Variants in TSPAN4 observed in about 807,000 individuals in gnomAD.
TSPAN4 encodes tetraspanin 4, also known as tetraspanin-4.
TSPAN4 carries 38 observed loss-of-function variants against 31.5 expected under a neutral mutation model. That is an observed-to-expected ratio of 1.21 (90% CI 0.93 to 1.58). The LOEUF (loss-of-function observed/expected upper bound fraction) is 1.58, where lower values mean the gene tolerates loss of function less well. TSPAN4 is among the 40% of genes most tolerant of loss of function. The pLI, the probability that TSPAN4 is intolerant of heterozygous loss-of-function variation, is 0.00. For synonymous variants in TSPAN4, 186 were observed against 144.6 expected, an observed-to-expected ratio of 1.29 and a Z score of -2.06; for missense variants, 330 against 317.3, an observed-to-expected ratio of 1.04 and a Z score of -0.30.
rs369539836 is a variant in TSPAN4 at position 848,518 on chromosome 11, G to A, written c.-18+1218G>A. On this transcript the variant is annotated intron_variant, in intron 2 of 8. Transcript: ENST00000397397. This position sits in a 1 kb window ranked among gnomAD's most constrained non-coding sequence, Gnocchi z 5.7. Reference sequence around the variant, plus strand: ...GGGGCACCCAGCCCAGGTCGTCAGGGGTGGGCAGAGCTGCGGGACCTCCCT... The same window carrying A: ...GGGGCACCCAGCCCAGGTCGTCAGGAGTGGGCAGAGCTGCGGGACCTCCCT... 2.6e-5 allele frequency among the ~76,000 whole-genome samples: 4 copies of A among 151,766 alleles called. No individual in the cohort carries two copies. Among genetic ancestry groups the A allele is most frequent in the African/African-American group, 9.7e-5 (4 of 41,310 alleles).
At position 864,585 on chromosome 11, in the gene TSPAN4, C is replaced by T. The variant is rs1589796349; in HGVS notation, c.330+74C>T. 1.0e-5 allele frequency: 16 copies of T among 1,574,888 alleles called. No homozygotes were observed. The East Asian group carries it at 2.9e-4, about 29-fold the overall frequency. On this transcript the variant is annotated intron_variant, in intron 5 of 8. Transcript: ENST00000397397. ...CCTCACTCCCAGGGAGCACTGTGGG[C>T]CCGGTGTGGACAGAGTGGCCCTGCA...
At position 848,397 on chromosome 11, in the gene TSPAN4, C is replaced by G. The variant is rs1300215750; in HGVS notation, c.-18+1097C>G. ...CAGCCTCCTGTTCTCTGGGGGCCCC[C>G]TGTCCCCTTCCCCCAGCGAGGACCT... On this transcript the variant is annotated intron_variant, in intron 2 of 8. Transcript: ENST00000397397. The surrounding 1 kb of genome is among the most constrained non-coding windows in gnomAD (Gnocchi z 5.7). Among the ~76,000 whole-genome samples, 9 of 152,076 alleles carry G rather than the reference C, an allele frequency of 5.9e-5. No homozygotes were observed. The highest frequency in any genetic ancestry group is 2.2e-4 in the African/African-American group (9 of 41,424).
rs1283607037 is a variant in TSPAN4, at chr11:865,697, C to G, written c.436C>G (p.Arg146Gly). 7 of 1,613,190 alleles carry G rather than the reference C, an allele frequency of 4.3e-6. No individual in the cohort carries two copies. Among genetic ancestry groups the G allele is most frequent in the Non-Finnish European group, 5.9e-6 (7 of 1,179,932 alleles). The change falls in exon 7 of 9, where the codon CGC becomes GGC. Residue 146 changes from arginine (R) to glycine (G), a missense_variant. By Grantham distance (125) the Arg-to-Gly change is moderately radical. Coordinates refer to ENST00000397397, the MANE Select transcript of TSPAN4 (RefSeq NM_003271.5). ...NAWSIIQTDFRCCGVSNYTDW... is the reference protein window; with the variant it reads ...NAWSIIQTDFGCCGVSNYTDW... ...CCGACCTGAGCTTGCCCCCCAGTTC[C>G]GCTGCTGTGGCGTCTCCAACTACAC...
At chr11:856,447 C>G (rs533766373) in intron 3 of TSPAN4, among the ~76,000 whole-genome samples, 1 of 152,202 alleles carries the variant, frequency 6.6e-6, no homozygotes, top group Non-Finnish European at 1.5e-5. Flanking sequence ...AGGTCTGGGA[C>G]GGAGCCCCTC....
At chr11:855,101 C>G (rs1281612442) in intron 3 of TSPAN4, among the ~76,000 whole-genome samples, 2 of 152,126 alleles carry the variant, frequency 1.3e-5, no homozygotes, top group South Asian at 4.1e-4. Context: ...GGGGGTAGGT[C>G]AGACTTGTCC....
intron 8 of TSPAN4, 141 bp downstream of exon 8, chr11:866,142 G>C (rs1312095116): frequency 1.2e-6 from 1 of 851,226 alleles, no homozygotes; most frequent in African/African-American, 1.7e-5. Flanking sequence ...CGAGTTCAGG[G>C]GGATGGGCAG....
At chr11:866,484 C>A in intron 8 of TSPAN4, 78 bp from the exon 9 acceptor site, 1 of 1,404,716 alleles carries the variant, frequency 7.1e-7, no homozygotes, top group Non-Finnish European at 9.8e-7. Flanking sequence ...AGGGCACCTG[C>A]TGAGGACAGG....
chr11:865,545 A>G lies in TSPAN4; in HGVS notation c.363A>G (p.Lys121=). 6.2e-7 allele frequency: 1 copy of G among 1,612,360 alleles called. No homozygotes were observed. The highest frequency in any genetic ancestry group is 1.1e-5 in the South Asian group (1 of 91,062). The change falls in exon 6 of 9, where the codon AAA becomes AAG. Residue 121 remains lysine (K), a synonymous_variant. Transcript: ENST00000397397. Reference sequence around the variant, plus strand: ...GGTATGCCCAGCAAGACCTGAAGAAAGGCTTGCACCTGTACGGCACGCAGG... The same window carrying G: ...GGTATGCCCAGCAAGACCTGAAGAAGGGCTTGCACCTGTACGGCACGCAGG... ...IDRYAQQDLK[K]GLHLYGTQGN... is the part of the protein sequence containing the mutation.
At position 866,950 on chromosome 11, in the gene TSPAN4, A is replaced by C; in HGVS notation, c.*320A>C. On this transcript the variant is annotated 3_prime_UTR_variant, in exon 9 of 9. Transcript: ENST00000397397. ...ACACGGGAGCCAGCCTGTGGCCCCCAGCCTCCTGGAAAACAGGTTGGCGCT... is the reference window on the plus strand; with the variant it reads ...ACACGGGAGCCAGCCTGTGGCCCCCCGCCTCCTGGAAAACAGGTTGGCGCT... The C allele has an allele frequency of 4.1e-6, 1 of 246,622 alleles. No homozygotes were observed. 15.3% of individuals were successfully genotyped at this position (246,622 alleles called of 1,614,324 possible). A position where few individuals can be genotyped will look rare whatever the true frequency, so the allele number is the denominator to read the frequency against.
intron 3 of TSPAN4, among the ~76,000 whole-genome samples, chr11:855,134 C>T (rs1419183333): frequency 6.6e-6 from 1 of 152,124 alleles, no homozygotes; most frequent in Non-Finnish European, 1.5e-5. Context: ...AGGCCTGGCT[C>T]CACGGGGCCT....
Position 843,123 on chromosome 11 carries a change from G to C in TSPAN4, c.-118+208G>C, listed in dbSNP as rs911700359. 2.6e-5 allele frequency: 4 copies of C among 152,070 alleles called. No homozygotes were observed. The East Asian group carries it at 7.7e-4, about 29-fold the overall frequency. The allele number at this position is 152,070 out of a possible 1,614,324, so 9.4% of individuals were successfully genotyped here. A position where few individuals can be genotyped will look rare whatever the true frequency, so the allele number is the denominator to read the frequency against. Reference sequence around the variant, plus strand: ...TCTTCCTGCCGCCCCTCCTGGCCGCGCCGAGTAGTGGGTTCCTCCGCCTCG... The same window carrying C: ...TCTTCCTGCCGCCCCTCCTGGCCGCCCCGAGTAGTGGGTTCCTCCGCCTCG... On this transcript the variant is annotated intron_variant, in intron 1 of 8. Coordinates refer to ENST00000397397, the MANE Select transcript of TSPAN4 (RefSeq NM_003271.5).
chr11:855,714 C>G (rs1036678773), intron 3 of TSPAN4, among the ~76,000 whole-genome samples: 1 of 152,206 alleles, frequency 6.6e-6, no homozygotes, highest in Non-Finnish European at 1.5e-5. Flanking sequence ...CAAATCACAG[C>G]GAGCCACACA....
At position 848,271 on chromosome 11, in the gene TSPAN4, C is replaced by T. The variant is rs1847430263; in HGVS notation, c.-18+971C>T. Among the ~76,000 whole-genome samples, 1 of 152,192 alleles carries T rather than the reference C, an allele frequency of 6.6e-6. No homozygotes were observed. Among genetic ancestry groups the T allele is most frequent in the Non-Finnish European group, 1.5e-5 (1 of 68,022 alleles). ...TGCGTGGCCGCCGTTCTGACCCATT[C>T]CTGGGGCCCAGACCCACCAAAGAAC... is the stretch of plus-strand genomic sequence containing the variant. On this transcript the variant is annotated intron_variant, in intron 2 of 8. Transcript: ENST00000397397. This position sits in a 1 kb window ranked among gnomAD's most constrained non-coding sequence, Gnocchi z 5.7.
chr11:847,703 T>G (rs958822498), intron 2 of TSPAN4, among the ~76,000 whole-genome samples: 2 of 149,072 alleles, frequency 1.3e-5, no homozygotes, highest in Non-Finnish European at 3.0e-5. Context: ...ACCTGGGCGA[T>G]GTGTGCAGAG....
rs1424155096 is a variant in TSPAN4 at position 850,375 on chromosome 11, C to T, written c.63+8C>T. On this transcript the variant is annotated splice_region_variant and intron_variant, in intron 3 of 8. Coordinates refer to ENST00000397397, the MANE Select transcript of TSPAN4 (RefSeq NM_003271.5). Reference sequence around the variant, plus strand: ...TTCAACCTGCTCTTCTGGGTGAGTCCGGGGGCCGGGGTGGGGGCCCGGGAA... The same window carrying T: ...TTCAACCTGCTCTTCTGGGTGAGTCTGGGGGCCGGGGTGGGGGCCCGGGAA... The T allele has an allele frequency of 2.5e-6, 4 of 1,597,596 alleles. No individual in the cohort carries two copies. The East Asian group carries it at 6.7e-5, about 27-fold the overall frequency.
chr11:850,308 G>T lies in TSPAN4; in HGVS notation c.4G>T (p.Ala2Ser). The T allele has an allele frequency of 6.2e-7, 1 of 1,606,470 alleles. No homozygotes were observed. The change falls in exon 3 of 9, where the codon GCG becomes TCG. Residue 2 changes from alanine (A) to serine (S), a missense_variant. Coordinates refer to ENST00000397397, the MANE Select transcript of TSPAN4 (RefSeq NM_003271.5). ...CCTAGAACTGAAGCGCTGCGGCATG[G>T]CGCGCGCCTGCCTCCAGGCCGTCAA... M[A>S]RACLQAVKYL...
chr11:865,561 G>GGCA lies in TSPAN4; in HGVS notation c.380_382dup (p.Gly127_Thr128insSer). The GGCA allele has an allele frequency of 6.2e-7, 1 of 1,612,612 alleles. No individual in the cohort carries two copies. The highest frequency in any genetic ancestry group is 1.1e-5 in the South Asian group (1 of 91,064). ...CCTGAAGAAAGGCTTGCACCTGTAC[G>GGCA]GCACGCAGGGCAACGTGGGCCTCAC... On this transcript the variant is annotated inframe_insertion, in exon 6 of 9. Transcript: ENST00000397397.
rs542116944 is a variant in TSPAN4 at position 866,719 on chromosome 11, C to T, written c.*89C>T. On this transcript the variant is annotated 3_prime_UTR_variant, in exon 9 of 9. Transcript: ENST00000397397. ...GCCTTTCCCACCACCAGCCTCGGTG[C>T]TCTGCCCCATGCTGGGAGGAGGGAG... 8.2e-4 allele frequency: 1,068 copies of T among 1,300,598 alleles called. 7 individuals carry two copies. Among genetic ancestry groups the T allele is most frequent in the South Asian group, 6.4e-3 (461 of 72,004 alleles). 80.6% of individuals were successfully genotyped at this position (1,300,598 alleles called of 1,614,324 possible).
intron 2 of TSPAN4, 125 bp from the exon 3 acceptor site, chr11:850,163 C>T (rs1229022829): frequency 2.8e-6 from 2 of 723,906 alleles, no homozygotes; most frequent in African/African-American, 3.7e-5. Flanking sequence ...GCGGGGACGC[C>T]GGGGGCTCCT....
Sources: allele counts gnomAD v4.1 joint callset (sites outside exome capture counted in the v4.1 genomes callset), GRCh38; gene constraint gnomAD v4.1.1; non-coding constraint Gnocchi (gnomAD v3.1); transcripts MANE v1.5; gene names NCBI Gene and HGNC (gene_info 2026-07-23, HGNC 2026-07-21).